The following ARMCX4 variants were observed in gnomAD, a reference collection of about 807,000 sequenced individuals.
ARMCX4 encodes the protein armadillo repeat-containing X-linked protein 4.
In ARMCX4, 3 loss-of-function variants were observed where a neutral mutation model predicts 34.7. The observed-to-expected ratio is 0.09, with a 90% CI of 0.04 to 0.22. The LOEUF (loss-of-function observed/expected upper bound fraction) is 0.22, where lower values mean the gene tolerates loss of function less well. ARMCX4 is among the 10% of genes least tolerant of loss of function. The pLI, the probability that ARMCX4 is intolerant of heterozygous loss-of-function variation, is 1.00. For missense variants in ARMCX4, 1,448 were observed against 1,720.8 expected, an observed-to-expected ratio of 0.84 and a Z score of 2.81; for synonymous variants, 513 against 632.8, an observed-to-expected ratio of 0.81 and a Z score of 2.84.
intron 2 of ARMCX4, among the ~76,000 whole-genome samples, chrX:101,426,177 G>T (rs1170199693): frequency 9.0e-6 from 1 of 111,114 alleles, no homozygotes; most frequent in African/African-American, 3.3e-5. Context: ...ACAATTAAGG[G>T]TCTGTAGGGA....
rs1569338678 is a variant in ARMCX4, at chrX:101,494,432, C to T, written c.5843C>T (p.Ser1948Phe). 8.7e-7 allele frequency: 1 copy of T among 1,155,506 alleles called. No individual in the cohort carries two copies. Among genetic ancestry groups the T allele is most frequent in the Admixed American group, 2.6e-5 (1 of 38,707 alleles). ...GCTGCTGGTGGAGTTGATATAGGGT[C>T]TTGGTTCTGTGCTGGTAATGAAAAC... ...FEAAGGVDIGSWFCAGNENTS... is the reference protein window; with the variant it reads ...FEAAGGVDIGFWFCAGNENTS... Residue 1948 changes from serine to phenylalanine, a missense_variant, in exon 6 of 6, where the codon TCT (serine) becomes TTT (phenylalanine). Physicochemically the swap from Ser to Phe is radical, Grantham distance 155. This residue lies in a region of ARMCX4 where 1,343 missense variants were observed against 1,540.7 expected (regional missense o/e 0.87). Transcript: ENST00000423738.
intron 4 of ARMCX4, among the ~76,000 whole-genome samples, chrX:101,471,563 T>C (rs1052389566): frequency 4.5e-5 from 5 of 112,034 alleles, no homozygotes; most frequent in Non-Finnish European, 7.5e-5. Context: ...CCATGTCTGA[T>C]AGCTTTGAAG....
At chrX:101,474,862 G>A (rs1933103874) in intron 4 of ARMCX4, among the ~76,000 whole-genome samples, 1 of 101,058 alleles carries the variant, frequency 9.9e-6, no homozygotes, top group Admixed American at 1.1e-4. Context: ...CATACTGAAT[G>A]GGCAAAAACT....
At chrX:101,496,561 T>G (rs1490458021), downstream of ARMCX4, among the ~76,000 whole-genome samples, 1 of 111,866 alleles carries the variant, frequency 8.9e-6, no homozygotes, top group Non-Finnish European at 1.9e-5. Context: ...AAGTGTCCTC[T>G]TTGCCAATTC....
intron 11 of ARMCX4, among the ~76,000 whole-genome samples, chrX:101,512,421 A>G (rs953098971): frequency 1.3e-4 from 15 of 111,349 alleles, no homozygotes; most frequent in African/African-American, 3.3e-4. Flanking sequence ...TCTTAGTCCA[A>G]TGAGGACCCT....
intron 4 of ARMCX4, among the ~76,000 whole-genome samples, chrX:101,466,327 G>A (rs1932790859): frequency 8.9e-6 from 1 of 111,808 alleles, no homozygotes; most frequent in Non-Finnish European, 1.9e-5. Context: ...TTGGAAAAGA[G>A]TTTTGTATAG....
intron 11 of ARMCX4, among the ~76,000 whole-genome samples, chrX:101,525,454 G>A (rs781886082): frequency 9.0e-5 from 10 of 111,623 alleles, no homozygotes; most frequent in Admixed American, 2.9e-4. Flanking sequence ...GGAATGAAGC[G>A]GGATGGAGAA....
At chrX:101,418,515 TAGGAGG>T (rs1929030029) in intron 1 of ARMCX4, 1 of 112,303 alleles carries the variant, frequency 8.9e-6, no homozygotes, top group Non-Finnish European at 1.9e-5. Context: ...TCGGTCCCAT[TAGGAGG>T]AGGGGGAGGG....
downstream of ARMCX4, among the ~76,000 whole-genome samples, chrX:101,497,400 CT>C (rs782154526): frequency 1.0e-4 from 11 of 105,352 alleles, no homozygotes; most frequent in East Asian, 3.0e-4. Flanking sequence ...CCACACCTGG[CT>C]TTTTTTTTTG....
chrX:101,441,994 G>A (rs1221868425), intron 2 of ARMCX4, among the ~76,000 whole-genome samples: 1 of 111,876 alleles, frequency 8.9e-6, no homozygotes, highest in Non-Finnish European at 1.9e-5. Context: ...GGGAATTACT[G>A]ACTGATGGAT....
At chrX:101,516,911 A>G (rs1934759020) in intron 11 of ARMCX4, 1 of 111,086 alleles carries the variant, frequency 9.0e-6, no homozygotes, top group African/African-American at 3.3e-5. Context: ...CTTGCAGCAT[A>G]TTTTCATACT....
downstream of ARMCX4, among the ~76,000 whole-genome samples, chrX:101,446,811 G>T (rs1189996102): frequency 9.0e-6 from 1 of 110,737 alleles, no homozygotes; most frequent in African/African-American, 3.3e-5. Flanking sequence ...AAAATTAGCC[G>T]GGCGTGGTGG....
chrX:101,444,004 T>C lies in ARMCX4; in HGVS notation n.165-48T>C, dbSNP rs1931478816. The C allele has an allele frequency of 1.1e-5, 4 of 379,310 alleles. No individual in the cohort carries two copies. In the Admixed American group the frequency reaches 1.1e-4, roughly 10 times the overall value. 31.3% of individuals were successfully genotyped at this position (379,310 alleles called of 1,213,427 possible). A position where few individuals can be genotyped will look rare whatever the true frequency, so the allele number is the denominator to read the frequency against. On this transcript the variant is annotated intron_variant and non_coding_transcript_variant, in intron 2 of 3. Coordinates refer to the ARMCX4 transcript ENST00000430461. ...CCACCCTGACACATAAACTCTGGGA[T>C]AATTCTGTGAAAGCAGGAACCCTTA...
chrX:101,427,070 G>A (rs1603076253), intron 2 of ARMCX4, among the ~76,000 whole-genome samples: 1 of 111,387 alleles, frequency 9.0e-6, no homozygotes, highest in Non-Finnish European at 1.9e-5. Context: ...TTTCCTTCTA[G>A]TTTGTTGTAT....
chrX:101,522,660 A>T (rs782492878), intron 11 of ARMCX4, among the ~76,000 whole-genome samples: 1 of 111,547 alleles, frequency 9.0e-6, no homozygotes, highest in Non-Finnish European at 1.9e-5. Flanking sequence ...TTTAGAATTT[A>T]TTTTCTTAGA....
At chrX:101,451,245 T>C (rs1245506243), downstream of ARMCX4, among the ~76,000 whole-genome samples, 4 of 111,713 alleles carry the variant, frequency 3.6e-5, no homozygotes, top group African/African-American at 1.3e-4. Context: ...TTCTGACCAC[T>C]GGGATGGGTA....
At chrX:101,459,779 T>A (rs1439279881) in intron 4 of ARMCX4, among the ~76,000 whole-genome samples, 1 of 112,637 alleles carries the variant, frequency 8.9e-6, no homozygotes, top group East Asian at 2.8e-4. Flanking sequence ...GGTTTTCCCA[T>A]TTTTTCCTCA....
At position 101,485,505 on chromosome X, in the gene ARMCX4, C is replaced by T. The variant is rs1603206397; in HGVS notation, c.-462C>T. The T allele has an allele frequency of 4.4e-6, 3 of 679,594 alleles. No homozygotes were observed. In the East Asian group the frequency reaches 4.8e-4, roughly 108 times the overall value. 56.0% of individuals were successfully genotyped at this position (679,594 alleles called of 1,213,427 possible). ...CGCTGCCCTGCGCTCGGCGGGCTGG[C>T]ATCGGGCCCGGGGAAAGCGGAGCAG... On this transcript the variant is annotated 5_prime_UTR_variant, in exon 1 of 6. Coordinates refer to ENST00000423738, the MANE Select transcript of ARMCX4 (RefSeq NM_001256155.3).
downstream of ARMCX4, among the ~76,000 whole-genome samples, chrX:101,446,646 A>T (rs1555998107): frequency 9.0e-6 from 1 of 110,779 alleles, no homozygotes; most frequent in Admixed American, 9.7e-5. Context: ...CAGGTCTCTC[A>T]TGAGGTTGCA....
Sources: gnomAD v4.1 joint callset for allele counts (sites outside exome capture counted in the v4.1 genomes callset) on GRCh38, gnomAD v4.1.1 for gene constraint, gnomAD v4.1.1 regional missense constraint, MANE v1.5 for transcripts, NCBI Gene and HGNC (gene_info 2026-07-23, HGNC 2026-07-21) for gene names.